The following LTN1 variants were observed in gnomAD, a reference collection of about 807,000 sequenced individuals.
LTN1 encodes listerin E3 ubiquitin protein ligase 1, also known as E3 ubiquitin-protein ligase listerin.
A neutral mutation model predicts 201.2 loss-of-function variants in LTN1; 88 were observed. The ratio of observed to expected loss-of-function variants is 0.44; its 90% confidence interval spans 0.37 to 0.52. The LOEUF (loss-of-function observed/expected upper bound fraction) is 0.52. Ranked by LOEUF, LTN1 falls within the 20% of genes least tolerant of loss-of-function variation. The probability of loss-of-function intolerance (pLI) is 0.00; values close to 1 mark genes in which losing one functional copy is unlikely to be tolerated. For missense variants in LTN1, 1,752 were observed against 2,038.7 expected, an observed-to-expected ratio of 0.86 and a Z score of 2.71; for synonymous variants, 645 against 713.5, an observed-to-expected ratio of 0.90 and a Z score of 1.53.
intron 4 of LTN1, 39 bp downstream of exon 4, chr21:28,984,653 A>G: frequency 1.9e-6 from 1 of 537,360 alleles, no homozygotes; most frequent in Non-Finnish European, 2.8e-6. Context: ...TTAAATACTT[A>G]AAAAAAAAAA....
intron 29 of LTN1, 100 bp downstream of exon 29, chr21:28,931,055 G>A (rs2084206268): frequency 4.3e-6 from 3 of 697,094 alleles, no homozygotes; most frequent in Non-Finnish European, 6.8e-6. Flanking sequence ...TCCGAAGTTA[G>A]ACATTGTGTA....
intron 18 of LTN1, among the ~76,000 whole-genome samples, chr21:28,948,591 C>CAT (rs915041625): frequency 6.6e-6 from 1 of 151,992 alleles, no homozygotes; most frequent in Non-Finnish European, 1.5e-5. Flanking sequence ...CGTATTTGTG[C>CAT]ATATATATAG....
At position 28,944,587 on chromosome 21, in the gene LTN1, C is replaced by A; in HGVS notation, c.3778G>T (p.Glu1260Ter). ...SMLAWLETTS[E>*]NQALYSIPLV... is the part of the protein sequence containing the mutation. Reference sequence around the variant, plus strand: ...GGAATAGAATACAATGCCTGATTCTCACTTGTTGTCTGAAAAAACAATAAA... The same window carrying A: ...GGAATAGAATACAATGCCTGATTCTAACTTGTTGTCTGAAAAAACAATAAA... Residue 1260 changes from glutamate to a stop codon, truncating the protein, a stop_gained, in exon 22 of 30, where the codon GAG becomes TAG. Transcript: ENST00000361371. LOFTEE classifies it high-confidence loss of function. The A allele has an allele frequency of 6.2e-7, 1 of 1,611,716 alleles. No homozygotes were observed. The highest frequency in any genetic ancestry group is 8.5e-7 in the Non-Finnish European group (1 of 1,178,436).
chr21:28,933,675 CTCT>C (rs2084229908), intron 27 of LTN1, among the ~76,000 whole-genome samples: 1 of 145,224 alleles, frequency 6.9e-6, no homozygotes, highest in Non-Finnish European at 1.5e-5. Context: ...CTCTCTCTCT[CTCT>C]TTTTTTTTTT....
At position 28,943,249 on chromosome 21, in the gene LTN1, A is replaced by T. The variant is rs765312055; in HGVS notation, c.4295+13T>A. 19 of 1,546,500 alleles carry T rather than the reference A, an allele frequency of 1.2e-5. No homozygotes were observed. In the Admixed American group the frequency reaches 1.4e-4, roughly 11 times the overall value. ...AAGAATTTAATAAAACAAATTATTT[A>T]AAAAAACCTTACAAGGCTGGCTCTT... On this transcript the variant is annotated intron_variant, in intron 24 of 29. Coordinates refer to ENST00000361371, the MANE Select transcript of LTN1 (RefSeq NM_015565.3).
intron 6 of LTN1, among the ~76,000 whole-genome samples, chr21:28,973,410 A>G (rs552327518): frequency 2.5e-4 from 38 of 151,804 alleles, no homozygotes; most frequent in Non-Finnish European, 3.8e-4. Context: ...ACAAAGCAAC[A>G]AATATATAGG....
In LTN1 at chr21:28,929,854, C is replaced by A. The variant is rs892917456; in HGVS notation, c.*594G>T. The A allele has an allele frequency of 2.0e-5, 3 of 152,114 alleles. No homozygotes were observed. The highest frequency in any genetic ancestry group is 4.8e-5 in the African/African-American group (2 of 41,496). The allele number at this position is 152,114 out of a possible 1,614,324, so 9.4% of individuals were successfully genotyped here. ...TCATAACCCTTGATAAATGGAGGCA[C>A]CTTAAAGTTCAGTTTAAACTCTTTT... On this transcript the variant is annotated 3_prime_UTR_variant, in exon 30 of 30. Transcript: ENST00000361371.
intron 9 of LTN1, among the ~76,000 whole-genome samples, chr21:28,969,006 A>C (rs1449605548): frequency 1.3e-5 from 2 of 151,652 alleles, no homozygotes; most frequent in Admixed American, 6.6e-5. Context: ...AGATCACCTG[A>C]GGTCAGCAGT....
At chr21:28,988,829 G>C (rs1475890444) in intron 1 of LTN1, among the ~76,000 whole-genome samples, 1 of 152,018 alleles carries the variant, frequency 6.6e-6, no homozygotes, top group East Asian at 1.9e-4. Context: ...GCCAGGCATG[G>C]TGGCACATGC....
chr21:28,930,754 T>G (rs112267003), intron 29 of LTN1, among the ~76,000 whole-genome samples: 1 of 152,236 alleles, frequency 6.6e-6, no homozygotes, highest in South Asian at 2.1e-4. Flanking sequence ...AGAAATCTCC[T>G]GTGAAACAAA....
intron 8 of LTN1, 38 bp downstream of exon 8, chr21:28,970,512 ATC>A: frequency 1.5e-6 from 2 of 1,346,758 alleles, no homozygotes; most frequent in Non-Finnish European, 2.1e-6. Context: ...AAACAAGAAA[ATC>A]TGTTTTGTTT....
At chr21:28,980,182 A>T (rs373702919) in intron 6 of LTN1, among the ~76,000 whole-genome samples, 16 of 152,062 alleles carry the variant, frequency 1.1e-4, no homozygotes, top group African/African-American at 3.9e-4. Context: ...CATGTTTTAA[A>T]TGGCCTCCAA....
Position 28,958,402 on chromosome 21 carries a change from A to C in LTN1, c.2731T>G (p.Ser911Ala), listed in dbSNP as rs149472058. 2,341 of 1,603,856 alleles carry C rather than the reference A, an allele frequency of 1.5e-3. 2 individuals carry two copies. Among genetic ancestry groups the C allele is most frequent in the Non-Finnish European group, 1.8e-3 (2,140 of 1,177,302 alleles). ...LWLKNQVQAS[S>A]LDINSLQVLL... ...AAAGGTTACCTGTTGATATCCAAAGATGAAGCCTGAACTTGGTTCTTCAGC... is the reference window on the plus strand; with the variant it reads ...AAAGGTTACCTGTTGATATCCAAAGCTGAAGCCTGAACTTGGTTCTTCAGC... The change falls in exon 14 of 30, where the codon TCT becomes GCT. Residue 911 changes from serine (S) to alanine (A), a missense_variant. Transcript: ENST00000361371.
chr21:28,946,026 C>A, intron 20 of LTN1, 75 bp from the exon 21 acceptor site: 1 of 1,437,070 alleles, frequency 7.0e-7, no homozygotes, highest in Non-Finnish European at 9.5e-7. Context: ...TACTTTAAAT[C>A]TTACATACTT....
At position 28,971,398 on chromosome 21, in the gene LTN1, A is replaced by T; in HGVS notation, c.857T>A (p.Ile286Asn). 1 of 1,614,152 alleles carries T rather than the reference A, an allele frequency of 6.2e-7. No individual in the cohort carries two copies. The highest frequency in any genetic ancestry group is 8.5e-7 in the Non-Finnish European group (1 of 1,179,998). ...TGCTTCCTCTTTCATCAACTGTGGA[A>T]TGCGCTGGCACAATGCAGAGACTAA... ...FELVSALCQRIPQLMKEEASK... is the reference protein window; with the variant it reads ...FELVSALCQRNPQLMKEEASK... Residue 286 changes from isoleucine to asparagine, a missense_variant, in exon 7 of 30, where the codon ATT becomes AAT. Coordinates refer to ENST00000361371, the MANE Select transcript of LTN1 (RefSeq NM_015565.3).
chr21:28,968,115 TC>T (rs1261689406), intron 9 of LTN1: 1 of 152,164 alleles, frequency 6.6e-6, no homozygotes, highest in East Asian at 1.9e-4. Flanking sequence ...ACATAAATTT[TC>T]CCCTAGAACT....
chr21:28,989,405 G>C (rs773854973), intron 1 of LTN1, among the ~76,000 whole-genome samples: 3 of 151,064 alleles, frequency 2.0e-5, no homozygotes, highest in Non-Finnish European at 4.4e-5. Flanking sequence ...TATGATCTTT[G>C]TATGTTAAGT....
At chr21:28,992,476 C>T (rs1171247181) in intron 1 of LTN1, among the ~76,000 whole-genome samples, 3 of 152,206 alleles carry the variant, frequency 2.0e-5, no homozygotes, top group African/African-American at 7.2e-5. Flanking sequence ...TCGGCCAGAT[C>T]ACCTTCCAGT....
intron 11 of LTN1, among the ~76,000 whole-genome samples, chr21:28,965,151 TTAC>T (rs2084511092): frequency 1.3e-5 from 2 of 152,144 alleles, no homozygotes; most frequent in Admixed American, 1.3e-4. Flanking sequence ...TGTGTTTTTT[TTAC>T]TACAATTTAA....
Sources: allele counts gnomAD v4.1 joint callset (sites outside exome capture counted in the v4.1 genomes callset), GRCh38; gene constraint gnomAD v4.1.1; transcripts MANE v1.5; gene names NCBI Gene and HGNC (gene_info 2026-07-23, HGNC 2026-07-21).